Variants in ZNF728 observed in about 807,000 individuals in gnomAD.
The protein encoded by ZNF728 is zinc finger protein 728.
Under a neutral mutation model 12.5 loss-of-function variants are expected in ZNF728, and 12 were observed. The ratio of observed to expected loss-of-function variants is 0.96; its 90% CI spans 0.61 to 1.55. The LOEUF (loss-of-function observed/expected upper bound fraction) is 1.55, where lower values mean the gene tolerates loss of function less well. ZNF728 is among the 40% of genes most tolerant of loss of function. ZNF728 has a pLI of 0.00. For missense variants in ZNF728, 692 were observed against 719.2 expected (o/e 0.96, Z 0.43); for synonymous variants, 205 against 240.7 (o/e 0.85, Z 1.37).
At chr19:22,988,823 G>T (rs973788719) in intron 1 of ZNF728, among the ~76,000 whole-genome samples, 57 of 152,122 alleles carry the variant, frequency 3.7e-4, no homozygotes, top group African/African-American at 1.4e-3. Context: ...AGGCCAAGGC[G>T]GGCAGATCAC....
chr19:22,991,514 G>T (rs1001369740), intron 1 of ZNF728, among the ~76,000 whole-genome samples: 1 of 152,162 alleles, frequency 6.6e-6, no homozygotes, highest in African/African-American at 2.4e-5. Flanking sequence ...CTTGTGACTT[G>T]TGAATCAACT....
intron 1 of ZNF728, chr19:22,995,896 T>C (rs1338749472): frequency 6.6e-6 from 1 of 152,208 alleles, no homozygotes; most frequent in Non-Finnish European, 1.5e-5. Flanking sequence ...ATATTAGAGC[T>C]TGCAACATAG....
chr19:22,988,015 G>C (rs1300392772), intron 2 of ZNF728, among the ~76,000 whole-genome samples: 2 of 152,022 alleles, frequency 1.3e-5, no homozygotes, highest in African/African-American at 4.8e-5. Flanking sequence ...CATGCTTCTT[G>C]AGGTTATCTA....
intron 1 of ZNF728, among the ~76,000 whole-genome samples, chr19:22,988,989 T>C (rs1216542726): frequency 6.9e-6 from 1 of 145,396 alleles, no homozygotes; most frequent in Non-Finnish European, 1.5e-5. Context: ...AGGCGGACGT[T>C]GTGGTGAGCC....
At chr19:22,978,174 GAC>G (rs1314877213) in intron 3 of ZNF728, among the ~76,000 whole-genome samples, 1 of 151,582 alleles carries the variant, frequency 6.6e-6, no homozygotes, top group African/African-American at 2.4e-5. Flanking sequence ...AACAGTTACA[GAC>G]AAAAAGAGAA....
intron 3 of ZNF728, among the ~76,000 whole-genome samples, chr19:22,978,302 T>TAA (rs35513624): frequency 0.01 from 1,340 of 127,996 alleles, 7 homozygotes; most frequent in Non-Finnish European, 0.017. Context: ...GTCAAAGTCC[T>TAA]AAAAAAAAAA....
At chr19:22,999,254 T>C (rs1451569622) in intron 1 of ZNF728, among the ~76,000 whole-genome samples, 1 of 152,206 alleles carries the variant, frequency 6.6e-6, no homozygotes, top group African/African-American at 2.4e-5. Flanking sequence ...AATACTCCTT[T>C]GGAATTCTTT....
intron 2 of ZNF728, among the ~76,000 whole-genome samples, chr19:22,987,793 C>T (rs1295298307): frequency 6.6e-6 from 1 of 152,086 alleles, no homozygotes; most frequent in Non-Finnish European, 1.5e-5. Flanking sequence ...TTCTTGAAAA[C>T]AGAAATCTGA....
At position 22,997,999 on chromosome 19, in the gene ZNF728, G is replaced by A. The variant is rs183282436; in HGVS notation, c.3+5029C>T. 3.6e-3 allele frequency among the ~76,000 whole-genome samples: 541 copies of A among 152,068 alleles called. 4 individuals are homozygous for A. The highest frequency in any genetic ancestry group is 0.013 in the African/African-American group (523 of 41,522). ...GAAATCATCTCAAACCAGTGAGAAC[G>A]GCCATTATTATAATTCAACCATTGT... On this transcript the variant is annotated intron_variant, in intron 1 of 3. Transcript: ENST00000594710.
At chr19:22,999,952 T>C (rs1016124694) in intron 1 of ZNF728, among the ~76,000 whole-genome samples, 1 of 152,228 alleles carries the variant, frequency 6.6e-6, no homozygotes, top group African/African-American at 2.4e-5. Context: ...CCACATTTTC[T>C]TGTGGAAATA....
intron 1 of ZNF728, among the ~76,000 whole-genome samples, chr19:22,989,110 A>G (rs986531679): frequency 1.3e-5 from 2 of 151,818 alleles, no homozygotes; most frequent in Non-Finnish European, 2.9e-5. Flanking sequence ...GATGGAAAAG[A>G]CATAGTTGTG....
At position 22,987,418 on chromosome 19, in the gene ZNF728, ATG is replaced by A. The variant is rs1474939611; in HGVS notation, c.131-17_131-16del. 1.3e-6 allele frequency: 2 copies of A among 1,591,974 alleles called. No homozygotes were observed. Among genetic ancestry groups the A allele is most frequent in the Non-Finnish European group, 8.5e-7 (1 of 1,170,574 alleles). On this transcript the variant is annotated splice_polypyrimidine_tract_variant and intron_variant, in intron 2 of 3. Transcript: ENST00000594710. Reference sequence around the variant, plus strand: ...GGCAGCAATACCTGTTTTATTAAAAATGAGTAACATGCATCTTGCTCATATTC... The same window carrying A: ...GGCAGCAATACCTGTTTTATTAAAAAAGTAACATGCATCTTGCTCATATTC...
At chr19:22,990,829 C>T (rs2935445) in intron 1 of ZNF728, among the ~76,000 whole-genome samples, 10,427 of 152,090 alleles carry the variant, frequency 0.069, 1,115 homozygotes, top group East Asian at 0.37. Context: ...TACTATTTAG[C>T]GGCCTGGGCT....
intron 3 of ZNF728, among the ~76,000 whole-genome samples, chr19:22,980,202 CA>C (rs59991122): frequency 0.057 from 6,491 of 114,338 alleles, 151 homozygotes; most frequent in Middle Eastern, 0.092. Context: ...AAAAAAGAAA[CA>C]AAAAAAAAAA....
intron 2 of ZNF728, among the ~76,000 whole-genome samples, chr19:22,987,883 A>G (rs1968935339): frequency 6.6e-6 from 1 of 152,258 alleles, no homozygotes; most frequent in Non-Finnish European, 1.5e-5. Flanking sequence ...TGACCAACTC[A>G]GCATTCCACT....
chr19:23,000,874 A>AAAC (rs142653648), intron 1 of ZNF728, among the ~76,000 whole-genome samples: 35,259 of 138,052 alleles, frequency 0.26, 5,402 homozygotes, highest in African/African-American at 0.46. Context: ...TCAAAAAAAA[A>AAAC]AAAAAAAAAA....
At chr19:22,986,041 G>A (rs910477918) in intron 3 of ZNF728, among the ~76,000 whole-genome samples, 1 of 152,136 alleles carries the variant, frequency 6.6e-6, no homozygotes, top group Admixed American at 6.5e-5. Flanking sequence ...CTTGTAATAA[G>A]CTAACCCTAG....
chr19:22,980,347 T>G (rs1968849421), intron 3 of ZNF728, among the ~76,000 whole-genome samples: 1 of 152,142 alleles, frequency 6.6e-6, no homozygotes, highest in African/African-American at 2.4e-5. Flanking sequence ...TAAATATGTA[T>G]GCACCCAATA....
chr19:22,985,981 G>T, intron 3 of ZNF728: 1 of 184,024 alleles, frequency 5.4e-6, no homozygotes, highest in Non-Finnish European at 1.1e-5. Flanking sequence ...AGTCCTGAAG[G>T]ATATTTACTC....
Sources: gnomAD v4.1 joint callset for allele counts (sites outside exome capture counted in the v4.1 genomes callset) on GRCh38, gnomAD v4.1.1 for gene constraint, MANE v1.5 for transcripts, NCBI Gene and HGNC (gene_info 2026-07-23, HGNC 2026-07-21) for gene names.